BEAN1: variants seen among roughly 807,000 people sequenced by gnomAD.
BEAN1 encodes the protein brain expressed associated with NEDD4 1, also known as protein BEAN1.
A neutral mutation model predicts 17.7 loss-of-function variants in BEAN1; 17 were observed. The observed-to-expected ratio is 0.96, with a 90% CI of 0.66 to 1.44. The LOEUF is 1.44. Among genes scored for constraint, BEAN1 ranks in the 40% most tolerant of loss-of-function variants. The probability of loss-of-function intolerance (pLI) is 0.00; values close to 1 mark genes in which losing one functional copy is unlikely to be tolerated. For missense variants in BEAN1, 359 were observed against 374.1 expected (o/e 0.96, Z 0.33); for synonymous variants, 142 against 151.8 (o/e 0.94, Z 0.47).
intron 1 of BEAN1, among the ~76,000 whole-genome samples, chr16:66,433,755 G>A (rs1014274841): frequency 5.9e-5 from 9 of 152,210 alleles, no homozygotes; most frequent in African/African-American, 1.9e-4. Flanking sequence ...GTGTAAACAG[G>A]TGGCCATCCT....
Position 66,469,653 on chromosome 16 carries a change from C to G in BEAN1, c.77C>G (p.Ser26Trp), listed in dbSNP as rs560769176. 3 of 1,535,966 alleles carry G rather than the reference C, an allele frequency of 2.0e-6. No individual in the cohort carries two copies. Among genetic ancestry groups the G allele is most frequent in the South Asian group, 2.4e-5 (2 of 84,048 alleles). Residue 26 changes from serine to tryptophan, a missense_variant, in exon 3 of 5, where the codon TCG becomes TGG. Physicochemically the swap from Ser to Trp is radical, Grantham distance 177. Transcript: ENST00000536005. Reference sequence around the variant, plus strand: ...TTCTACCCCACATTCTCAGAGAGCTCGGAGCACAGCCATCTGCTCGTGTCC... The same window carrying G: ...TTCTACCCCACATTCTCAGAGAGCTGGGAGCACAGCCATCTGCTCGTGTCC... ...SYFYPTFSES[S>W]EHSHLLVSPV...
intron 3 of BEAN1, chr16:66,476,410 T>C (rs1963748907): frequency 6.6e-6 from 1 of 152,210 alleles, no homozygotes; most frequent in Non-Finnish European, 1.5e-5. Context: ...TATGTGACCC[T>C]GAGTATCAGC....
intron 2 of BEAN1, among the ~76,000 whole-genome samples, chr16:66,462,192 A>G (rs748621269): frequency 2.0e-5 from 3 of 152,076 alleles, no homozygotes; most frequent in Non-Finnish European, 4.4e-5. Flanking sequence ...AATTAAACTG[A>G]CTCCATTTGC....
chr16:66,441,078 G>A (rs970866002), intron 2 of BEAN1, among the ~76,000 whole-genome samples: 5 of 152,266 alleles, frequency 3.3e-5, no homozygotes, highest in Non-Finnish European at 5.9e-5. Context: ...TCACTTGTTC[G>A]TGCCGCCAGT....
chr16:66,442,105 A>G (rs1962282091), intron 2 of BEAN1, among the ~76,000 whole-genome samples: 1 of 152,252 alleles, frequency 6.6e-6, no homozygotes, highest in African/African-American at 2.4e-5. Flanking sequence ...GAGGGAGATC[A>G]GTTTCTCTGC....
At chr16:66,477,750 G>A in intron 4 of BEAN1, 40 bp downstream of exon 4, 1 of 1,484,270 alleles carries the variant, frequency 6.7e-7, no homozygotes, top group African/African-American at 1.4e-5. Context: ...CAGAGGATGG[G>A]GCCCTGGACA....
intron 1 of BEAN1, among the ~76,000 whole-genome samples, chr16:66,431,028 T>C (rs1961776150): frequency 6.6e-6 from 1 of 152,214 alleles, no homozygotes; most frequent in South Asian, 2.1e-4. Flanking sequence ...CCAAGGATAA[T>C]TTGATAAAGG....
downstream of BEAN1, among the ~76,000 whole-genome samples, chr16:66,486,946 G>A (rs1408400560): frequency 6.6e-6 from 1 of 152,190 alleles, no homozygotes; most frequent in Admixed American, 6.5e-5. Flanking sequence ...CCTCCAGCCA[G>A]GCCTGAGGGC....
chr16:66,440,329 A>G (rs1962207546), intron 2 of BEAN1, among the ~76,000 whole-genome samples: 1 of 151,704 alleles, frequency 6.6e-6, no homozygotes, highest in South Asian at 2.1e-4. Flanking sequence ...ATAGGGTTTC[A>G]TCATTTGACC....
chr16:66,459,415 G>A (rs1307422070), intron 2 of BEAN1, among the ~76,000 whole-genome samples: 1 of 152,116 alleles, frequency 6.6e-6, no homozygotes, highest in Non-Finnish European at 1.5e-5. Flanking sequence ...TGCCTCCTGG[G>A]TTCAAGCGAT....
chr16:66,428,421 G>A (rs1210585403), intron 1 of BEAN1: 1 of 152,254 alleles, frequency 6.6e-6, no homozygotes, highest in Non-Finnish European at 1.5e-5. Context: ...ATGCCGCTCT[G>A]GACTCACTCC....
At position 66,481,619 on chromosome 16, in the gene BEAN1, C is replaced by G. The variant is rs2142473493; in HGVS notation, c.*694C>G. 1 of 197,354 alleles carries G rather than the reference C, an allele frequency of 5.1e-6. No homozygotes were observed. Among genetic ancestry groups the G allele is most frequent in the Admixed American group, 6.1e-5 (1 of 16,528 alleles). The allele number at this position is 197,354 out of a possible 1,614,324, so 12.2% of individuals were successfully genotyped here. On this transcript the variant is annotated 3_prime_UTR_variant, in exon 5 of 5. Coordinates refer to ENST00000536005, the MANE Select transcript of BEAN1 (RefSeq NM_001178020.3). The surrounding 1 kb of genome is among the most constrained non-coding windows in gnomAD (Gnocchi z 4.1). ...ACCCCAGTACCCTCAGTCCCTCAGT[C>G]AGGTGGTGCTAGTAGAGCTATCTCT...
At chr16:66,432,869 T>C (rs541218964) in intron 1 of BEAN1, among the ~76,000 whole-genome samples, 17 of 152,288 alleles carry the variant, frequency 1.1e-4, no homozygotes, top group African/African-American at 4.1e-4. Flanking sequence ...AGTCTCTGCT[T>C]ACCTGCACCC....
chr16:66,479,510 G>C (rs924117619), intron 4 of BEAN1, among the ~76,000 whole-genome samples: 5 of 151,996 alleles, frequency 3.3e-5, no homozygotes, highest in Non-Finnish European at 7.4e-5. Context: ...GAAGGTGGGG[G>C]CACGACTACG....
Position 66,434,381 on chromosome 16 carries a change from A to G in BEAN1, c.-82-3214A>G, listed in dbSNP as rs1045271899. On this transcript the variant is annotated intron_variant, in intron 1 of 4. Transcript: ENST00000536005. The surrounding 1 kb of genome is among the most constrained non-coding windows in gnomAD (Gnocchi z 4.3). ...CACACCCAGCTCCTTTGTCTTGATG[A>G]CCCCGACAAAGCTCTACCCTAGCAG... Among the ~76,000 whole-genome samples, 2 of 152,126 alleles carry G rather than the reference A, an allele frequency of 1.3e-5. No homozygotes were observed. The highest frequency in any genetic ancestry group is 1.3e-4 in the Admixed American group (2 of 15,268).
chr16:66,480,958 A>G lies in BEAN1; in HGVS notation c.*33A>G. 7.2e-7 allele frequency: 1 copy of G among 1,387,498 alleles called. No homozygotes were observed. Among genetic ancestry groups the G allele is most frequent in the Non-Finnish European group, 9.5e-7 (1 of 1,048,676 alleles). The allele number at this position is 1,387,498 out of a possible 1,614,324, so 85.9% of individuals were successfully genotyped here. On this transcript the variant is annotated 3_prime_UTR_variant, in exon 5 of 5. Transcript: ENST00000536005. ...AGCCAGCCGGGTCCTGCTGGTCCCT[A>G]CAGGCTGAACCACATTCTTTAGGCA...
At chr16:66,485,519 C>T (rs1203892319), downstream of BEAN1, 2 of 230,512 alleles carry the variant, frequency 8.7e-6, no homozygotes, top group African/African-American at 4.5e-5. Context: ...ATTGCACGTC[C>T]TCGGGGCCAG....
intron 2 of BEAN1, among the ~76,000 whole-genome samples, chr16:66,456,389 G>A (rs1355177772): frequency 1.3e-5 from 2 of 152,176 alleles, no homozygotes; most frequent in African/African-American, 4.8e-5. Context: ...GCCGGTAGGT[G>A]GGCCCAGCCA....
chr16:66,465,021 T>C (rs1375549538), intron 2 of BEAN1, among the ~76,000 whole-genome samples: 8 of 152,240 alleles, frequency 5.3e-5, no homozygotes, highest in African/African-American at 1.9e-4. Context: ...AGCACCATGT[T>C]ATCTGTGAGT....
Sources: gnomAD v4.1 joint callset for allele counts (sites outside exome capture counted in the v4.1 genomes callset) on GRCh38, gnomAD v4.1.1 for gene constraint, Gnocchi (gnomAD v3.1) non-coding constraint, MANE v1.5 for transcripts, NCBI Gene and HGNC (gene_info 2026-07-23, HGNC 2026-07-21) for gene names.